The following YEATS2 variants were observed in gnomAD, a reference collection of about 807,000 sequenced individuals.
YEATS2 encodes the protein YEATS domain-containing protein 2.
YEATS2 carries 77 observed loss-of-function variants against 163.2 expected under a neutral mutation model. That is an observed-to-expected ratio of 0.47 (90% CI 0.39 to 0.57). The LOEUF is 0.57. Ranked by LOEUF, YEATS2 falls within the 20% of genes least tolerant of loss-of-function variation. YEATS2 has a pLI of 0.00. For synonymous variants in YEATS2, 631 were observed against 645.1 expected, an observed-to-expected ratio of 0.98 and a Z score of 0.33; for missense variants, 1,549 against 1,729.8, an observed-to-expected ratio of 0.90 and a Z score of 1.85.
Position 183,773,770 on chromosome 3 carries a change from A to G in YEATS2, c.2344A>G (p.Ile782Val), listed in dbSNP as rs917590269. ...ACTGCTGCTGATCCCTCAAGGAGCC[A>G]TCCTGCGAGCTACGAACAATGCTAG... Reference protein sequence around the residue: ...GKLLLIPQGAILRATNNANLQ... With the variant: ...GKLLLIPQGAVLRATNNANLQ... Residue 782 changes from isoleucine (I) to valine (V), a missense_variant, in exon 17 of 31, where the codon ATC becomes GTC. Ile to Val is a conservative substitution (Grantham distance 29). Coordinates refer to ENST00000305135, the MANE Select transcript of YEATS2 (RefSeq NM_018023.5). The G allele has an allele frequency of 6.2e-7, 1 of 1,609,744 alleles. No homozygotes were observed. Among genetic ancestry groups the G allele is most frequent in the Non-Finnish European group, 8.5e-7 (1 of 1,178,828 alleles).
At chr3:183,718,622 C>T in intron 4 of YEATS2, 30 bp downstream of exon 4, 3 of 1,529,948 alleles carry the variant, frequency 2.0e-6, no homozygotes, top group Non-Finnish European at 1.8e-6. Context: ...AGTCATTTTC[C>T]AGCCACTCAT....
At chr3:183,725,471 G>A (rs1716988495) in intron 6 of YEATS2, among the ~76,000 whole-genome samples, 2 of 152,100 alleles carry the variant, frequency 1.3e-5, no homozygotes, top group South Asian at 4.1e-4. Context: ...AAGGAAAGAG[G>A]TTTGATTGAC....
At chr3:183,746,718 T>C (rs949161088) in intron 8 of YEATS2, among the ~76,000 whole-genome samples, 1 of 151,648 alleles carries the variant, frequency 6.6e-6, no homozygotes, top group African/African-American at 2.4e-5. Flanking sequence ...AAACTCCAGA[T>C]TTCTTCCATG....
chr3:183,779,680 A>G (rs1723360684), intron 19 of YEATS2, among the ~76,000 whole-genome samples: 1 of 151,730 alleles, frequency 6.6e-6, no homozygotes, highest in African/African-American at 2.4e-5. Flanking sequence ...AGAAAACTTT[A>G]TTTTTATTTA....
At chr3:183,738,464 CATATGT>C (rs1340735674) in intron 8 of YEATS2, among the ~76,000 whole-genome samples, 1 of 124,856 alleles carries the variant, frequency 8.0e-6, no homozygotes, top group East Asian at 2.6e-4. Context: ...AGGTTAGTTA[CATATGT>C]ATACATGTGC....
In YEATS2 at chr3:183,756,547, A is replaced by G. The variant is rs766264574; in HGVS notation, c.1410A>G (p.Pro470=). The G allele has an allele frequency of 4.3e-5, 68 of 1,584,564 alleles. No individual in the cohort carries two copies. Among genetic ancestry groups the G allele is most frequent in the Non-Finnish European group, 5.7e-5 (67 of 1,167,720 alleles). ...AATAAGGTTCCCCAATATCAACTCC[A>G]AGCCCATCACCATTGCCTCGAACCC... The part of the protein sequence containing the change: ...KIVSGSPIST[P]SPSPLPRTPT... Residue 470 remains proline, a synonymous_variant, in exon 12 of 31, where the codon CCA becomes CCG. Transcript: ENST00000305135.
At chr3:183,729,178 A>G (rs1012223629) in intron 7 of YEATS2, among the ~76,000 whole-genome samples, 14 of 152,028 alleles carry the variant, frequency 9.2e-5, no homozygotes, top group Non-Finnish European at 2.1e-4. Flanking sequence ...AGGCTGAGGC[A>G]GGAGAATGGC....
chr3:183,771,845 G>C (rs529722209), intron 15 of YEATS2, among the ~76,000 whole-genome samples: 2 of 150,520 alleles, frequency 1.3e-5, no homozygotes, highest in South Asian at 4.2e-4. Flanking sequence ...TCCTACCTCA[G>C]CCTCCAGAGT....
At chr3:183,744,834 C>T (rs1345030030) in intron 8 of YEATS2, among the ~76,000 whole-genome samples, 1 of 152,012 alleles carries the variant, frequency 6.6e-6, no homozygotes, top group Non-Finnish European at 1.5e-5. Context: ...CGTCCTCCGC[C>T]CTTCCCACTA....
intron 21 of YEATS2, among the ~76,000 whole-genome samples, chr3:183,793,811 C>G (rs1724895020): frequency 6.6e-6 from 1 of 152,166 alleles, no homozygotes; most frequent in Admixed American, 6.5e-5. Context: ...TGGGGTTTCA[C>G]CATGTTGACC....
intron 10 of YEATS2, 85 bp downstream of exon 10, chr3:183,752,338 A>G: frequency 6.6e-7 from 1 of 1,520,832 alleles, no homozygotes; most frequent in South Asian, 1.2e-5. Flanking sequence ...AGTATATGGA[A>G]AATAACTTTG....
chr3:183,754,108 C>G lies in YEATS2; in HGVS notation c.1151-18C>G. ...AAGCGATTGATGACTTGCCGTTTGC[C>G]TCTTTCATCTCAAGCAGGATTCCCA... On this transcript the variant is annotated intron_variant, in intron 10 of 30. Coordinates refer to ENST00000305135, the MANE Select transcript of YEATS2 (RefSeq NM_018023.5). 6.6e-7 allele frequency: 1 copy of G among 1,520,504 alleles called. No homozygotes were observed. Among genetic ancestry groups the G allele is most frequent in the Non-Finnish European group, 8.9e-7 (1 of 1,127,296 alleles). The allele number at this position is 1,520,504 out of a possible 1,614,324, so 94.2% of individuals were successfully genotyped here.
intron 8 of YEATS2, among the ~76,000 whole-genome samples, chr3:183,740,606 A>C (rs1488414406): frequency 6.6e-6 from 1 of 152,212 alleles, no homozygotes; most frequent in Admixed American, 6.5e-5. Flanking sequence ...AATTCTGTCA[A>C]GACTGAGAGG....
intron 1 of YEATS2, among the ~76,000 whole-genome samples, chr3:183,703,695 A>G (rs577996328): frequency 5.5e-4 from 84 of 152,144 alleles, no homozygotes; most frequent in Admixed American, 2.1e-3. Context: ...ATGCCTAATG[A>G]TTTTCTCAGT....
At chr3:183,725,675 A>T (rs775671657) in intron 6 of YEATS2, among the ~76,000 whole-genome samples, 39 of 152,066 alleles carry the variant, frequency 2.6e-4, no homozygotes, top group Non-Finnish European at 5.0e-4. Context: ...TGATTCAATT[A>T]CCTCCCACTG....
intron 11 of YEATS2, among the ~76,000 whole-genome samples, chr3:183,755,328 G>T (rs541107655): frequency 3.1e-4 from 47 of 152,096 alleles, no homozygotes; most frequent in Non-Finnish European, 4.9e-4. Context: ...TATTGGCCAG[G>T]CTGGTCTTGA....
chr3:183,698,836 A>G (rs964902896), intron 1 of YEATS2, among the ~76,000 whole-genome samples: 1 of 152,214 alleles, frequency 6.6e-6, no homozygotes, highest in Admixed American at 6.5e-5. Context: ...GAGGGTATTC[A>G]GCGTAGAAAA....
intron 9 of YEATS2, among the ~76,000 whole-genome samples, chr3:183,749,365 C>T (rs995622739): frequency 2.0e-5 from 3 of 152,252 alleles, no homozygotes. Flanking sequence ...GCAGCCATGA[C>T]CTTAGTCCAT....
chr3:183,797,437 C>T (rs1227685603), intron 21 of YEATS2, among the ~76,000 whole-genome samples: 1 of 151,910 alleles, frequency 6.6e-6, no homozygotes, highest in Non-Finnish European at 1.5e-5. Context: ...ACCAGCCACT[C>T]TGGAAGCTGA....
Sources: allele counts gnomAD v4.1 joint callset (sites outside exome capture counted in the v4.1 genomes callset), GRCh38; gene constraint gnomAD v4.1.1; transcripts MANE v1.5; gene names NCBI Gene and HGNC (gene_info 2026-07-23, HGNC 2026-07-21).